ABL1: variants seen among roughly 807,000 people sequenced by gnomAD.
ABL1 encodes the protein tyrosine-protein kinase ABL1.
In ABL1, 11 loss-of-function variants were observed where a neutral mutation model predicts 94.7. That is an observed-to-expected ratio of 0.12 (90% CI 0.07 to 0.19). The LOEUF is 0.19. Among genes scored for constraint, ABL1 ranks in the 10% least tolerant of loss-of-function variants. ABL1 has a pLI of 1.00. For synonymous variants in ABL1, 656 were observed against 622.4 expected (o/e 1.05, Z -0.80); for missense variants, 1,082 against 1,489.4 (o/e 0.73, Z 4.50).
At chr9:130,780,954 G>A (rs764910580) in intron 1 of ABL1, among the ~76,000 whole-genome samples, 2 of 152,206 alleles carry the variant, frequency 1.3e-5, no homozygotes, top group African/African-American at 2.4e-5. Context: ...TGGTTCTAGC[G>A]ACTCTGCAAA....
intron 3 of ABL1, among the ~76,000 whole-genome samples, chr9:130,859,847 A>AT (rs1416066000): frequency 1.1e-4 from 16 of 151,564 alleles, no homozygotes; most frequent in South Asian, 6.3e-4. Context: ...TGCCCGGCTA[A>AT]TTTTTGTATT....
At chr9:130,744,955 A>C (rs912736740) in intron 1 of ABL1, among the ~76,000 whole-genome samples, 1 of 151,956 alleles carries the variant, frequency 6.6e-6, no homozygotes, top group African/African-American at 2.4e-5. Context: ...CTAATGATGT[A>C]AGTGCCAAAG....
intron 1 of ABL1, among the ~76,000 whole-genome samples, chr9:130,783,370 AT>A (rs1330003016): frequency 1.6e-4 from 25 of 152,214 alleles, no homozygotes; most frequent in African/African-American, 6.0e-4. Flanking sequence ...CTTGGCAGTA[AT>A]CACAAGAGCT....
chr9:130,800,093 C>G (rs996112997), intron 1 of ABL1, among the ~76,000 whole-genome samples: 1 of 151,296 alleles, frequency 6.6e-6, no homozygotes, highest in Admixed American at 6.6e-5. Context: ...AGGCTGGTCT[C>G]GAACTCCTGA....
At chr9:130,823,838 A>C (rs1830393912) in intron 1 of ABL1, among the ~76,000 whole-genome samples, 1 of 152,214 alleles carries the variant, frequency 6.6e-6, no homozygotes, top group African/African-American at 2.4e-5. Context: ...GATTGAAGGC[A>C]GGAGAAAAAA....
At position 130,809,381 on chromosome 9, in the gene ABL1, T is replaced by TGAGAGAGAGAGA. The variant is rs370101656; in HGVS notation, c.137-44657_137-44646dup. 5.3e-5 allele frequency among the ~76,000 whole-genome samples: 7 copies of TGAGAGAGAGAGA among 132,680 alleles called. No individual in the cohort carries two copies. The South Asian group carries it at 8.2e-4, about 16-fold the overall frequency. 87.0% of individuals were successfully genotyped at this position (132,680 alleles called of 152,430 possible). A position where few individuals can be genotyped will look rare whatever the true frequency, so the allele number is the denominator to read the frequency against. On this transcript the variant is annotated intron_variant, in intron 1 of 10. Transcript: ENST00000372348. ...GAAGAGTTGTATTAGTGAAGGTTCT[T>TGAGAGAGAGAGA]GAGAGAGAGAGAGAGAGAGAGAGAG...
intron 1 of ABL1, among the ~76,000 whole-genome samples, chr9:130,804,915 G>A (rs939218306): frequency 3.3e-5 from 5 of 152,152 alleles, no homozygotes; most frequent in African/African-American, 1.2e-4. Context: ...TAAGTAGGGG[G>A]ACCAAGAGGG....
intron 1 of ABL1, among the ~76,000 whole-genome samples, chr9:130,736,704 T>A (rs1342287339): frequency 6.6e-6 from 1 of 152,198 alleles, no homozygotes; most frequent in African/African-American, 2.4e-5. Context: ...TTGGTCAGGC[T>A]GGTCTCAAAC....
chr9:130,836,607 T>TC (rs1182050855), intron 1 of ABL1, among the ~76,000 whole-genome samples: 1 of 152,080 alleles, frequency 6.6e-6, no homozygotes, highest in African/African-American at 2.4e-5. Context: ...GTGGATTATT[T>TC]GAGGTCAGGA....
rs1360739424 is a variant in ABL1 at position 130,885,051 on chromosome 9, G to A, written c.2761G>A (p.Glu921Lys). ...GGKPSQSPSQ[E>K]AAGEAVLGAK... ...AAAGCCCTCGCAGAGCCCGAGCCAG[G>A]AGGCGGCCGGGGAGGCAGTCCTGGG... The change falls in exon 11 of 11, where the codon GAG becomes AAG. Residue 921 changes from glutamate (E) to lysine (K), a missense_variant. By Grantham distance (56) the Glu-to-Lys change is moderately conservative. Around this residue, in one of 7 missense-constraint regions of ABL1, gnomAD observed 780 missense variants for 835.8 expected, o/e 0.93. Transcript: ENST00000318560. The A allele has an allele frequency of 1.2e-6, 2 of 1,610,386 alleles. No homozygotes were observed. The highest frequency in any genetic ancestry group is 1.7e-6 in the Non-Finnish European group (2 of 1,178,492).
chr9:130,730,577 T>C (rs1479464251), intron 1 of ABL1, among the ~76,000 whole-genome samples: 1 of 152,116 alleles, frequency 6.6e-6, no homozygotes, highest in African/African-American at 2.4e-5. Flanking sequence ...TTTTCCTTTT[T>C]TTTTCTTTGT....
chr9:130,808,232 CTTCTTCTTCTTCTTCTT>C (rs1476313697), intron 1 of ABL1, among the ~76,000 whole-genome samples: 4 of 140,210 alleles, frequency 2.9e-5, no homozygotes, highest in Non-Finnish European at 6.2e-5. Flanking sequence ...TCTTCTTCTT[CTTCTTCTTCTTCTTCTT>C]TTTTTTTTTT....
Position 130,729,354 on chromosome 9 carries a change from C to T in ABL1, c.136+14899C>T, listed in dbSNP as rs549476154. 9.8e-5 allele frequency among the ~76,000 whole-genome samples: 15 copies of T among 152,314 alleles called. No homozygotes were observed. In the East Asian group the frequency reaches 2.9e-3, roughly 29 times the overall value. ...ACAGGATGCCTCCCACCTTCTTCTG[C>T]CTACCTCTGTGTTCTGTCACCCCAC... On this transcript the variant is annotated intron_variant, in intron 1 of 10. Transcript: ENST00000372348.
intron 1 of ABL1, among the ~76,000 whole-genome samples, chr9:130,771,345 A>G (rs966447137): frequency 6.6e-6 from 1 of 152,074 alleles, no homozygotes; most frequent in Non-Finnish European, 1.5e-5. Flanking sequence ...TCAGCCTTCT[A>G]AGTAGAGTGC....
Position 130,840,693 on chromosome 9 carries a change from T to TA in ABL1, c.79+5176dup, listed in dbSNP as rs1162702277. Among the ~76,000 whole-genome samples the TA allele has an allele frequency of 4.6e-5, 7 of 151,938 alleles. No homozygotes were observed. The South Asian group carries it at 1.0e-3, about 23-fold the overall frequency. Reference sequence around the variant, plus strand: ...TTTTTAAAACTATCTCTTTTTTAATTAAAAAAAATAGAGATGGGTCTCACT... The same window carrying TA: ...TTTTTAAAACTATCTCTTTTTTAATTAAAAAAAAATAGAGATGGGTCTCACT... On this transcript the variant is annotated intron_variant, in intron 1 of 10. Transcript: ENST00000318560.
chr9:130,870,650 C>G (rs1425477475), intron 4 of ABL1, among the ~76,000 whole-genome samples: 1 of 152,158 alleles, frequency 6.6e-6, no homozygotes, highest in Non-Finnish European at 1.5e-5. Flanking sequence ...AGAGAGGGCT[C>G]AGAAGAATTA....
intron 1 of ABL1, among the ~76,000 whole-genome samples, 154 bp from the exon 2 acceptor site, chr9:130,853,910 C>G (rs949402269): frequency 6.6e-6 from 1 of 152,066 alleles, no homozygotes; most frequent in Non-Finnish European, 1.5e-5. Context: ...TTAAAAACCA[C>G]CTTAATGATA....
intron 1 of ABL1, among the ~76,000 whole-genome samples, chr9:130,853,170 CTTTT>C (rs11418318): frequency 1.6e-4 from 12 of 75,336 alleles, no homozygotes; most frequent in African/African-American, 6.5e-4. Flanking sequence ...TTTGACTTTT[CTTTT>C]TTTTTTTTTT....
chr9:130,724,035 C>A (rs1831547794), intron 1 of ABL1, among the ~76,000 whole-genome samples: 1 of 152,144 alleles, frequency 6.6e-6, no homozygotes, highest in Non-Finnish European at 1.5e-5. Flanking sequence ...TGGTCTCGAT[C>A]TCCTGACCTC....
Sources: gnomAD v4.1 joint callset for allele counts (sites outside exome capture counted in the v4.1 genomes callset) on GRCh38, gnomAD v4.1.1 for gene constraint, gnomAD v4.1.1 regional missense constraint, MANE v1.5 for transcripts, NCBI Gene and HGNC (gene_info 2026-07-23, HGNC 2026-07-21) for gene names.